UST: variants seen among roughly 807,000 people sequenced by gnomAD.
UST encodes the protein chondroitin sulfate 2-O-sulfotransferase.
Under a neutral mutation model 45.6 loss-of-function variants are expected in UST, and 21 were observed. The observed-to-expected ratio is 0.46, with a 90% CI of 0.33 to 0.66. The LOEUF is 0.66. Ranked by LOEUF, UST falls within the 30% of genes least tolerant of loss-of-function variation. The pLI, the probability that UST is intolerant of heterozygous loss-of-function variation, is 0.02. For synonymous variants in UST, 215 were observed against 200.6 expected, an observed-to-expected ratio of 1.07 and a Z score of -0.61; for missense variants, 463 against 512.4, an observed-to-expected ratio of 0.90 and a Z score of 0.93.
intron 1 of UST, among the ~76,000 whole-genome samples, chr6:148,863,824 T>C (rs1778367856): frequency 6.6e-6 from 1 of 152,226 alleles, no homozygotes; most frequent in South Asian, 2.1e-4. Context: ...CAGCAAATAT[T>C]GCAGAACGGC....
chr6:148,931,848 A>G (rs1165689624), intron 2 of UST, among the ~76,000 whole-genome samples: 2 of 152,214 alleles, frequency 1.3e-5, no homozygotes. Context: ...AAGGCCTCTT[A>G]GAAGAGTGGA....
At chr6:148,798,851 G>GATTTATTTATTTATTT (rs67953897) in intron 1 of UST, among the ~76,000 whole-genome samples, 78 of 149,626 alleles carry the variant, frequency 5.2e-4, no homozygotes, top group African/African-American at 1.9e-3. Context: ...GAGGAGATAG[G>GATTTATTTATTTATTT]ATTTATTTAT....
intron 2 of UST, among the ~76,000 whole-genome samples, chr6:148,897,059 A>C (rs778000461): frequency 3.9e-5 from 6 of 152,268 alleles, no homozygotes; most frequent in Non-Finnish European, 8.8e-5. Flanking sequence ...CTTGATGTAG[A>C]TTCTGGTAAC....
intron 1 of UST, among the ~76,000 whole-genome samples, chr6:148,833,934 T>G (rs1777738920): frequency 6.6e-6 from 1 of 152,242 alleles, no homozygotes; most frequent in Non-Finnish European, 1.5e-5. Context: ...CTTATCAATA[T>G]GAGCATTCTG....
chr6:148,976,897 G>A (rs1431168471), intron 5 of UST, among the ~76,000 whole-genome samples: 1 of 151,586 alleles, frequency 6.6e-6, no homozygotes, highest in Non-Finnish European at 1.5e-5. Context: ...TTCTTTTTAT[G>A]GCTTCTGAGT....
At chr6:148,983,354 C>T (rs975379493) in intron 5 of UST, among the ~76,000 whole-genome samples, 7 of 151,922 alleles carry the variant, frequency 4.6e-5, no homozygotes, top group Non-Finnish European at 8.8e-5. Context: ...AGGCTAGGAA[C>T]AAGGCAGGAA....
chr6:148,875,996 G>A (rs1353556855), intron 1 of UST, among the ~76,000 whole-genome samples: 1 of 152,154 alleles, frequency 6.6e-6, no homozygotes, highest in Non-Finnish European at 1.5e-5. Context: ...GTATTAAGCT[G>A]TTCTTGCATT....
At chr6:148,979,882 C>T (rs1185244332) in intron 5 of UST, among the ~76,000 whole-genome samples, 1 of 152,174 alleles carries the variant, frequency 6.6e-6, no homozygotes, top group Non-Finnish European at 1.5e-5. Context: ...CCAGCTGCTT[C>T]CCTCATTAAA....
At chr6:148,903,122 T>G (rs2114866899) in intron 2 of UST, among the ~76,000 whole-genome samples, 1 of 152,338 alleles carries the variant, frequency 6.6e-6, no homozygotes, top group African/African-American at 2.4e-5. Context: ...ATTTTTCATT[T>G]ATTTTCTTTT....
chr6:148,859,448 G>T (rs1413727773), intron 1 of UST, among the ~76,000 whole-genome samples: 2 of 152,136 alleles, frequency 1.3e-5, no homozygotes, highest in Admixed American at 6.5e-5. Flanking sequence ...TAGGTTGCCT[G>T]TTCACTCTGA....
intron 2 of UST, among the ~76,000 whole-genome samples, chr6:148,889,815 C>A (rs34443186): frequency 0.2 from 31,042 of 151,902 alleles, 3,868 homozygotes; most frequent in African/African-American, 0.34. Flanking sequence ...TGCCTAGATT[C>A]GGTGTTGGCT....
chr6:148,880,732 T>A (rs1778807481), intron 1 of UST, among the ~76,000 whole-genome samples: 1 of 152,138 alleles, frequency 6.6e-6, no homozygotes, highest in African/African-American at 2.4e-5. Context: ...AGTCAGGTCA[T>A]TTAAAAAACA....
At chr6:148,936,252 G>C (rs886140905) in intron 2 of UST, among the ~76,000 whole-genome samples, 3 of 152,302 alleles carry the variant, frequency 2.0e-5, no homozygotes, top group Middle Eastern at 3.4e-3. Flanking sequence ...AGATTGGGCT[G>C]GAGATGGGGG....
At chr6:148,917,649 C>G (rs1779614873) in intron 2 of UST, among the ~76,000 whole-genome samples, 1 of 152,198 alleles carries the variant, frequency 6.6e-6, no homozygotes, top group Admixed American at 6.5e-5. Context: ...AATCTGAGGC[C>G]TGCACAACCT....
intron 7 of UST, among the ~76,000 whole-genome samples, chr6:149,069,872 A>G (rs1322565387): frequency 6.6e-6 from 1 of 152,234 alleles, no homozygotes; most frequent in African/African-American, 2.4e-5. Flanking sequence ...GTAAAATGTG[A>G]TTGGTATTTC....
intron 2 of UST, among the ~76,000 whole-genome samples, chr6:148,895,878 A>G (rs1287076462): frequency 6.6e-6 from 1 of 152,226 alleles, no homozygotes; most frequent in Non-Finnish European, 1.5e-5. Context: ...CTAATACACA[A>G]AACTACCACA....
chr6:149,043,038 TTTCTTTCCTTCTTTCC>T (rs1456282903), intron 7 of UST, among the ~76,000 whole-genome samples: 1 of 140,494 alleles, frequency 7.1e-6, no homozygotes, highest in Non-Finnish European at 1.5e-5. Flanking sequence ...TCTTTCTTTC[TTTCTTTCCTTCTTTCC>T]TTCTTTCCTT....
At chr6:148,881,989 C>A (rs1562288017) in intron 1 of UST, among the ~76,000 whole-genome samples, 1 of 152,138 alleles carries the variant, frequency 6.6e-6, no homozygotes, top group Admixed American at 6.5e-5. Flanking sequence ...TAAAGAAATA[C>A]CTTCTGTCTA....
intron 1 of UST, among the ~76,000 whole-genome samples, chr6:148,860,955 C>G (rs149474543): frequency 0.01 from 1,525 of 152,202 alleles, 29 homozygotes; most frequent in African/African-American, 0.035. Flanking sequence ...GTCTAAAATT[C>G]TCTGTTTTTG....
Sources: gnomAD v4.1 joint callset for allele counts (sites outside exome capture counted in the v4.1 genomes callset) on GRCh38, gnomAD v4.1.1 for gene constraint, MANE v1.5 for transcripts, NCBI Gene and HGNC (gene_info 2026-07-23, HGNC 2026-07-21) for gene names.